Variants in CD36 observed in about 807,000 individuals in gnomAD.
CD36 encodes platelet glycoprotein 4.
In CD36, 119 loss-of-function variants were observed where a neutral mutation model predicts 55.2. The observed-to-expected ratio is 2.15, with a 90% CI of 1.86 to 2.51. CD36 has a LOEUF of 2.51. Ranked by LOEUF, CD36 falls within the 30% of genes most tolerant of loss-of-function variation. CD36 has a pLI of 0.00. For missense variants in CD36, 819 were observed against 555.5 expected (o/e 1.47, Z -4.77); for synonymous variants, 186 against 193.6 (o/e 0.96, Z 0.33).
At chr7:80,617,159 T>A (rs1793209839) in intron 1 of CD36, among the ~76,000 whole-genome samples, 1 of 152,154 alleles carries the variant, frequency 6.6e-6, no homozygotes, top group Admixed American at 6.5e-5. Flanking sequence ...CTAATTTACA[T>A]GAGTTCAATT....
intron 1 of CD36, among the ~76,000 whole-genome samples, chr7:80,609,835 A>G (rs1792776818): frequency 6.6e-6 from 1 of 152,268 alleles, no homozygotes; most frequent in Non-Finnish European, 1.5e-5. Context: ...AGCCTGAGTT[A>G]GTATTTGCCT....
intron 1 of CD36, 70 bp downstream of exon 1, chr7:80,638,816 G>A (rs1794609603): frequency 6.6e-6 from 1 of 151,532 alleles, no homozygotes; most frequent in Non-Finnish European, 1.5e-5. Context: ...ATGACGGGAG[G>A]TGACACTACT....
intron 3 of CD36, among the ~76,000 whole-genome samples, chr7:80,652,339 G>A (rs901996568): frequency 6.6e-6 from 1 of 151,988 alleles, no homozygotes; most frequent in Non-Finnish European, 1.5e-5. Context: ...ATAAATTCTT[G>A]GAGGCTAATT....
intron 1 of CD36, among the ~76,000 whole-genome samples, chr7:80,644,383 G>A (rs1164534765): frequency 1.3e-5 from 2 of 152,122 alleles, no homozygotes; most frequent in Non-Finnish European, 1.5e-5. Flanking sequence ...GAACTAGTCA[G>A]TCTTCTTAAT....
chr7:80,645,389 T>C (rs539271738), intron 1 of CD36, among the ~76,000 whole-genome samples: 26 of 151,408 alleles, frequency 1.7e-4, no homozygotes, highest in Admixed American at 1.0e-3. Context: ...ATCCCAGCAC[T>C]TTGGGAGGCT....
In CD36 at chr7:80,661,348, G is replaced by A. The variant is rs547453459; in HGVS notation, c.429+138G>A. 3.8e-5 allele frequency: 30 copies of A among 798,700 alleles called. 1 individual carries two copies. The highest frequency in any genetic ancestry group is 3.0e-4 in the South Asian group (19 of 63,078). 49.5% of individuals were successfully genotyped at this position (798,700 alleles called of 1,614,324 possible). A position where few individuals can be genotyped will look rare whatever the true frequency, so the allele number is the denominator to read the frequency against. The stretch of plus-strand genomic sequence containing the variant: ...TATTCCTATATCATTATTTTGAATG[G>A]AGGCATGGTCATTTGGAAAGTGACA... On this transcript the variant is annotated intron_variant, in intron 5 of 14. Coordinates refer to ENST00000447544, the MANE Select transcript of CD36 (RefSeq NM_001001548.3).
Position 80,651,383 on chromosome 7 carries a change from C to G in CD36, c.120+4523C>G, listed in dbSNP as rs528125093. Among the ~76,000 whole-genome samples, 121 of 151,890 alleles carry G rather than the reference C, an allele frequency of 8.0e-4. 1 individual carries two copies. Among genetic ancestry groups the G allele is most frequent in the African/African-American group, 2.8e-3 (115 of 41,416 alleles). On this transcript the variant is annotated intron_variant, in intron 3 of 14. Transcript: ENST00000447544. ...CAAACTTGCACATGTACCTCTGACC[C>G]TAAAATAAAAGTTGGAAGAAAAAAA...
chr7:80,667,106 C>T (rs1369677388), intron 8 of CD36, among the ~76,000 whole-genome samples: 1 of 152,026 alleles, frequency 6.6e-6, no homozygotes, highest in Non-Finnish European at 1.5e-5. Flanking sequence ...ACAGATATGC[C>T]TATTAGTTTA....
In CD36 at chr7:80,670,771, T is replaced by C; in HGVS notation, c.819-206T>C. 5.3e-6 allele frequency: 3 copies of C among 561,742 alleles called. No individual in the cohort carries two copies. In the Admixed American group the frequency reaches 9.6e-5, roughly 18 times the overall value. The allele number at this position is 561,742 out of a possible 1,614,324, so 34.8% of individuals were successfully genotyped here. A position where few individuals can be genotyped will look rare whatever the true frequency, so the allele number is the denominator to read the frequency against. ...GAAGTAACTTGAGTATAAATAAACATGGTACTTCACAAACAAGAATAGTTC... is the reference window on the plus strand; with the variant it reads ...GAAGTAACTTGAGTATAAATAAACACGGTACTTCACAAACAAGAATAGTTC... On this transcript the variant is annotated intron_variant, in intron 9 of 14. Coordinates refer to ENST00000447544, the MANE Select transcript of CD36 (RefSeq NM_001001548.3).
intron 6 of CD36, among the ~76,000 whole-genome samples, chr7:80,664,205 T>G (rs1327988399): frequency 1.3e-5 from 2 of 152,142 alleles, no homozygotes; most frequent in East Asian, 1.9e-4. Flanking sequence ...CTGATATGTA[T>G]CTTCTTTGTC....
intron 3 of CD36, among the ~76,000 whole-genome samples, chr7:80,652,837 G>A (rs1795732503): frequency 6.6e-6 from 1 of 152,102 alleles, no homozygotes; most frequent in African/African-American, 2.4e-5. Context: ...ACTAATAGCT[G>A]ACATTTATTG....
chr7:80,616,710 G>A (rs1397721477), intron 1 of CD36, among the ~76,000 whole-genome samples: 1 of 152,130 alleles, frequency 6.6e-6, no homozygotes, highest in Non-Finnish European at 1.5e-5. Flanking sequence ...TCAACAGACT[G>A]AATTAACCAG....
At chr7:80,627,910 G>A (rs1190315346) in intron 1 of CD36, among the ~76,000 whole-genome samples, 1 of 151,922 alleles carries the variant, frequency 6.6e-6, no homozygotes, top group Non-Finnish European at 1.5e-5. Context: ...CTGTGAAAGG[G>A]AAGAATTAAA....
intron 6 of CD36, 24 bp from the exon 7 acceptor site, chr7:80,664,382 C>T: frequency 8.0e-7 from 1 of 1,245,588 alleles, no homozygotes; most frequent in Non-Finnish European, 1.2e-6. Context: ...GTAGAAGTAA[C>T]ATTTTCCCAT....
upstream of CD36, among the ~76,000 whole-genome samples, chr7:80,636,292 T>A (rs1479832778): frequency 6.6e-6 from 1 of 152,116 alleles, no homozygotes; most frequent in Non-Finnish European, 1.5e-5. Context: ...TTATTATTAC[T>A]CTTTTATTTA....
intron 12 of CD36, 72 bp from the exon 13 acceptor site, chr7:80,673,283 C>CA: frequency 1.4e-6 from 1 of 714,372 alleles, no homozygotes; most frequent in Admixed American, 2.4e-5. Flanking sequence ...AATTTATGAA[C>CA]ATTTATTTTA....
chr7:80,664,516 T>C lies in CD36; in HGVS notation c.701+19T>C. ...GTAAAAGGTAAGTATTCTGGTAAAA[T>C]GTGCATGTATGTTACTAGGGTACTC... is the stretch of plus-strand genomic sequence containing the variant. On this transcript the variant is annotated intron_variant, in intron 7 of 14. Coordinates refer to ENST00000447544, the MANE Select transcript of CD36 (RefSeq NM_001001548.3). The C allele has an allele frequency of 8.1e-7, 1 of 1,235,176 alleles. No individual in the cohort carries two copies. The highest frequency in any genetic ancestry group is 1.2e-5 in the South Asian group (1 of 83,412). 76.5% of individuals were successfully genotyped at this position (1,235,176 alleles called of 1,614,324 possible).
chr7:80,669,923 C>G (rs1441588107), intron 8 of CD36, 30 bp from the exon 9 acceptor site: 1 of 1,523,008 alleles, frequency 6.6e-7, no homozygotes. Context: ...CACATTACAT[C>G]TAATCATTTG....
At position 80,617,800 on chromosome 7, in the gene CD36, T is replaced by C. The variant is rs531017208; in HGVS notation, c.-184+15421T>C. ...CGTACATTGGATGCTGAAGTTTCTA[T>C]TTCTCACTTGACTATGATATTCTTT... On this transcript the variant is annotated intron_variant, in intron 1 of 13. Coordinates refer to the CD36 transcript ENST00000309881. Among the ~76,000 whole-genome samples, 8 of 152,280 alleles carry C rather than the reference T, an allele frequency of 5.3e-5. No homozygotes were observed. The East Asian group carries it at 1.5e-3, about 29-fold the overall frequency.
Sources: allele counts gnomAD v4.1 joint callset (sites outside exome capture counted in the v4.1 genomes callset), GRCh38; gene constraint gnomAD v4.1.1; transcripts MANE v1.5; gene names NCBI Gene and HGNC (gene_info 2026-07-23, HGNC 2026-07-21).